KDSR: variants seen among roughly 807,000 people sequenced by gnomAD.
KDSR encodes 3-ketodihydrosphingosine reductase.
KDSR carries 23 observed loss-of-function variants against 41.3 expected under a neutral mutation model. That is an observed-to-expected ratio of 0.56 (90% CI 0.40 to 0.79). The LOEUF is 0.79. KDSR is among the 30% of genes least tolerant of loss of function. KDSR has a pLI of 0.00. For synonymous variants in KDSR, 138 were observed against 151.7 expected, an observed-to-expected ratio of 0.91 and a Z score of 0.66; for missense variants, 351 against 416.8, an observed-to-expected ratio of 0.84 and a Z score of 1.37.
chr18:63,365,286 G>T (rs1157925363), intron 1 of KDSR, among the ~76,000 whole-genome samples: 1 of 152,206 alleles, frequency 6.6e-6, no homozygotes, highest in East Asian at 1.9e-4. Context: ...TTTTAAAAAT[G>T]AAACAATTGT....
chr18:63,363,499 A>G (rs1017398763), intron 1 of KDSR, among the ~76,000 whole-genome samples: 32 of 145,834 alleles, frequency 2.2e-4, no homozygotes, highest in Non-Finnish European at 3.9e-4. Flanking sequence ...GCGATAGTTT[A>G]CTGAGAATGA....
At chr18:63,348,323 TAAA>T (rs11335269) in intron 6 of KDSR, among the ~76,000 whole-genome samples, 2 of 138,214 alleles carry the variant, frequency 1.4e-5, no homozygotes, top group African/African-American at 2.8e-5. Flanking sequence ...AAATAAAAAT[TAAA>T]AAAAAAAAAA....
chr18:63,367,156 G>T lies in KDSR; in HGVS notation c.-38C>A. The T allele has an allele frequency of 8.9e-7, 1 of 1,128,032 alleles. No individual in the cohort carries two copies. Among genetic ancestry groups the T allele is most frequent in the African/African-American group, 1.6e-5 (1 of 62,310 alleles). The allele number at this position is 1,128,032 out of a possible 1,614,324, so 69.9% of individuals were successfully genotyped here. A position where few individuals can be genotyped will look rare whatever the true frequency, so the allele number is the denominator to read the frequency against. On this transcript the variant is annotated 5_prime_UTR_variant, in exon 1 of 10. Transcript: ENST00000645214. The stretch of plus-strand genomic sequence containing the variant: ...CCAGGGGCCCGGAGCGGCCGGGCGG[G>T]GGCCGCCGGGCAAGGCGCGCAGGGC...
At chr18:63,341,155 A>G (rs1415761564) in intron 7 of KDSR, among the ~76,000 whole-genome samples, 1 of 151,292 alleles carries the variant, frequency 6.6e-6, no homozygotes. Flanking sequence ...ACATTTCAGG[A>G]AGCCGGAAAA....
chr18:63,334,732 G>A (rs1462039929), intron 9 of KDSR, among the ~76,000 whole-genome samples: 1 of 152,166 alleles, frequency 6.6e-6, no homozygotes, highest in African/African-American at 2.4e-5. Context: ...GATTCCCCAT[G>A]AGCAAGTACA....
chr18:63,341,484 AG>A (rs1288711683), intron 7 of KDSR, among the ~76,000 whole-genome samples: 1 of 151,490 alleles, frequency 6.6e-6, no homozygotes, highest in Non-Finnish European at 1.5e-5. Context: ...AAAAAAAAAA[AG>A]AGAGAGAAAA....
intron 1 of KDSR, among the ~76,000 whole-genome samples, chr18:63,363,435 T>A (rs1915051905): frequency 7.8e-6 from 1 of 128,350 alleles, no homozygotes; most frequent in Non-Finnish European, 1.6e-5. Context: ...TGTGATCTCA[T>A]TGTTCAATTC....
chr18:63,355,401 T>C (rs1809319), intron 4 of KDSR, 97 bp downstream of exon 4: 1,036,883 of 1,604,996 alleles, frequency 0.65, 336,579 homozygotes, highest in South Asian at 0.67. Context: ...ATTAAACCTA[T>C]AGAGAAGTTG....
intron 5 of KDSR, among the ~76,000 whole-genome samples, chr18:63,354,755 G>C (rs1280451098): frequency 2.6e-5 from 4 of 152,198 alleles, no homozygotes; most frequent in African/African-American, 9.7e-5. Context: ...TGGTAAACCT[G>C]ATTAAAAATA....
At chr18:63,346,988 T>A (rs1914523444) in intron 6 of KDSR, among the ~76,000 whole-genome samples, 1 of 152,146 alleles carries the variant, frequency 6.6e-6, no homozygotes, top group South Asian at 2.1e-4. Context: ...CTTGTTCTTA[T>A]GAGACAATGC....
chr18:63,330,895 G>T lies in KDSR; in HGVS notation c.*887C>A, dbSNP rs1337039759. 4 of 227,266 alleles carry T rather than the reference G, an allele frequency of 1.8e-5. No homozygotes were observed. The highest frequency in any genetic ancestry group is 6.7e-5 in the African/African-American group (3 of 44,812). 14.1% of individuals were successfully genotyped at this position (227,266 alleles called of 1,614,324 possible). A position where few individuals can be genotyped will look rare whatever the true frequency, so the allele number is the denominator to read the frequency against. On this transcript the variant is annotated 3_prime_UTR_variant, in exon 10 of 10. Transcript: ENST00000645214. ...GGGAAAAACAAGTAGATGCTAAAAT[G>T]GGATAGGTGAACTTCAGGTCATCAT... is the stretch of plus-strand genomic sequence containing the variant.
intron 3 of KDSR, among the ~76,000 whole-genome samples, chr18:63,355,848 G>A (rs916241798): frequency 5.9e-5 from 9 of 152,204 alleles, no homozygotes; most frequent in Admixed American, 3.9e-4. Flanking sequence ...AGCCAGGCAT[G>A]GAGGATGGAA....
intron 5 of KDSR, among the ~76,000 whole-genome samples, chr18:63,352,222 A>G (rs2032343): frequency 0.098 from 14,980 of 152,306 alleles, 852 homozygotes; most frequent in East Asian, 0.28. Flanking sequence ...GGAACTTGAG[A>G]TCAATCATAA....
At position 63,367,032 on chromosome 18, in the gene KDSR, G is replaced by A; in HGVS notation, c.87C>T (p.Ala29=). 1 of 1,317,518 alleles carries A rather than the reference G, an allele frequency of 7.6e-7. No homozygotes were observed. Among genetic ancestry groups the A allele is most frequent in the Non-Finnish European group, 9.8e-7 (1 of 1,025,016 alleles). 81.6% of individuals were successfully genotyped at this position (1,317,518 alleles called of 1,614,324 possible). A position where few individuals can be genotyped will look rare whatever the true frequency, so the allele number is the denominator to read the frequency against. Residue 29 remains alanine, a synonymous_variant, in exon 1 of 10, where the codon GCC becomes GCT. Coordinates refer to ENST00000645214, the MANE Select transcript of KDSR (RefSeq NM_002035.4). ...TCACCACCACATGCGCCCCGGGCAGGGCGAGGGGCTTGGGGCTGATGAGCG... is the reference window on the plus strand; with the variant it reads ...TCACCACCACATGCGCCCCGGGCAGAGCGAGGGGCTTGGGGCTGATGAGCG... The part of the protein sequence containing the change: ...VSPLISPKPL[A]LPGAHVVVTG...
intron 7 of KDSR, 41 bp from the exon 8 acceptor site, chr18:63,338,924 C>A (rs767243011): frequency 1.3e-5 from 14 of 1,109,784 alleles, no homozygotes; most frequent in Non-Finnish European, 1.8e-5. Flanking sequence ...ATCATGATTG[C>A]CCATTACATT....
At chr18:63,354,252 T>G (rs1914736959) in intron 5 of KDSR, among the ~76,000 whole-genome samples, 1 of 152,128 alleles carries the variant, frequency 6.6e-6, no homozygotes, top group Middle Eastern at 3.4e-3. Context: ...GAGGCAGAGG[T>G]TGCAGTGAGC....
chr18:63,337,751 G>C (rs1914221419), intron 8 of KDSR, among the ~76,000 whole-genome samples: 1 of 151,996 alleles, frequency 6.6e-6, no homozygotes, highest in Non-Finnish European at 1.5e-5. Context: ...ACATGGTGAA[G>C]CCCCATTTCT....
chr18:63,338,762 C>T, intron 8 of KDSR, 38 bp downstream of exon 8: 1 of 1,306,900 alleles, frequency 7.7e-7, no homozygotes. Context: ...TATAGTACTA[C>T]AAACACAAAT....
In KDSR at chr18:63,357,590, A is replaced by ATT. The variant is rs879287574; in HGVS notation, c.256-2028_256-2027insAA. 7.6e-3 allele frequency among the ~76,000 whole-genome samples: 727 copies of ATT among 95,140 alleles called. 8 individuals are homozygous for ATT. The highest frequency in any genetic ancestry group is 0.018 in the Middle Eastern group (3 of 166). The allele number at this position is 95,140 out of a possible 152,430, so 62.4% of individuals were successfully genotyped here. ...TACATACATATATATATATATATAT[A>ATT]TATATTTTTTTTTGAGATGGAGTCT... On this transcript the variant is annotated intron_variant, in intron 3 of 9. Transcript: ENST00000645214.
Sources: gnomAD v4.1 joint callset for allele counts (sites outside exome capture counted in the v4.1 genomes callset) on GRCh38, gnomAD v4.1.1 for gene constraint, MANE v1.5 for transcripts, NCBI Gene and HGNC (gene_info 2026-07-23, HGNC 2026-07-21) for gene names.